KIRREL3: variants seen among roughly 807,000 people sequenced by gnomAD.
KIRREL3 encodes kirre like nephrin family adhesion molecule 3, also known as kin of IRRE-like protein 3.
KIRREL3 carries 36 observed loss-of-function variants against 89.7 expected under a neutral mutation model. That is an observed-to-expected ratio of 0.40 (90% CI 0.31 to 0.53). The LOEUF is 0.53. Among genes scored for constraint, KIRREL3 ranks in the 20% least tolerant of loss-of-function variants. The probability of loss-of-function intolerance (pLI) is 0.49; values close to 1 mark genes in which losing one functional copy is unlikely to be tolerated. For synonymous variants in KIRREL3, 445 were observed against 441.4 expected (o/e 1.01, Z -0.10); for missense variants, 864 against 1,056.6 (o/e 0.82, Z 2.53).
intron 1 of KIRREL3, among the ~76,000 whole-genome samples, chr11:126,862,365 G>A (rs1406012872): frequency 1.3e-5 from 2 of 152,160 alleles, no homozygotes; most frequent in African/African-American, 4.8e-5. Flanking sequence ...AAATTGTAAC[G>A]AGTAATTATC....
In KIRREL3 at chr11:126,689,324, G is replaced by A. The variant is rs1160378401; in HGVS notation, c.56-126412C>T. Among the ~76,000 whole-genome samples the A allele has an allele frequency of 6.6e-6, 1 of 152,182 alleles. No individual in the cohort carries two copies. Among genetic ancestry groups the A allele is most frequent in the Non-Finnish European group, 1.5e-5 (1 of 68,040 alleles). Reference sequence around the variant, plus strand: ...CGACTTGGAAGAATGAGACACCTTGGAAGATGAGGCTGACCAGGCCATGGA... The same window carrying A: ...CGACTTGGAAGAATGAGACACCTTGAAAGATGAGGCTGACCAGGCCATGGA... On this transcript the variant is annotated intron_variant, in intron 1 of 16. Transcript: ENST00000525144. The surrounding 1 kb of genome is among the most constrained non-coding windows in gnomAD (Gnocchi z 5.2).
rs1946475507 is a variant in KIRREL3 at position 126,904,018 on chromosome 11, G to C, written c.55+96437C>G. 6.6e-6 allele frequency among the ~76,000 whole-genome samples: 1 copy of C among 152,092 alleles called. No homozygotes were observed. The highest frequency in any genetic ancestry group is 2.4e-5 in the African/African-American group (1 of 41,406). On this transcript the variant is annotated intron_variant, in intron 1 of 16. Coordinates refer to ENST00000525144, the MANE Select transcript of KIRREL3 (RefSeq NM_032531.4). The surrounding 1 kb of genome is among the most constrained non-coding windows in gnomAD (Gnocchi z 4.4). ...TGGTAGATAGCACATCTCAACTCTG[G>C]CCTGGAGGTAATTCTCAAGCAGGGA...
Position 126,950,718 on chromosome 11 carries a change from G to C in KIRREL3, c.55+49737C>G, listed in dbSNP as rs142151213. On this transcript the variant is annotated intron_variant, in intron 1 of 16. Coordinates refer to ENST00000525144, the MANE Select transcript of KIRREL3 (RefSeq NM_032531.4). ...TGTACATCACACAGATGAAGGAGGA[G>C]GTGGAGAGCCACCTGTCTGCACTCC... Among the ~76,000 whole-genome samples, 86 of 152,318 alleles carry C rather than the reference G, an allele frequency of 5.6e-4. 1 individual carries two copies. In the East Asian group the frequency reaches 0.015, roughly 26 times the overall value.
chr11:126,968,612 T>A (rs1394228283), intron 1 of KIRREL3, among the ~76,000 whole-genome samples: 1 of 152,194 alleles, frequency 6.6e-6, no homozygotes, highest in Non-Finnish European at 1.5e-5. Flanking sequence ...GAGAAACTAT[T>A]CAAATTGCTC....
rs928327479 is a variant in KIRREL3 at position 126,666,971 on chromosome 11, G to A, written c.56-104059C>T. On this transcript the variant is annotated intron_variant, in intron 1 of 16. Coordinates refer to ENST00000525144, the MANE Select transcript of KIRREL3 (RefSeq NM_032531.4). This position sits in a 1 kb window ranked among gnomAD's most constrained non-coding sequence, Gnocchi z 4.2. The stretch of plus-strand genomic sequence containing the variant: ...ATTCAGATCCCTGATGTGGAGCCAA[G>A]GAAAGGCTTGAGTGACTAGGGGTCT... Among the ~76,000 whole-genome samples the A allele has an allele frequency of 6.6e-6, 1 of 152,192 alleles. No individual in the cohort carries two copies.
chr11:126,434,171 A>G (rs1305732585), intron 13 of KIRREL3, among the ~76,000 whole-genome samples: 9 of 152,358 alleles, frequency 5.9e-5, no homozygotes, highest in African/African-American at 1.9e-4. Flanking sequence ...CTCTCTGCAC[A>G]GAGCCTTCCC....
chr11:126,960,077 T>TTGAA lies in KIRREL3; in HGVS notation c.55+40374_55+40377dup, dbSNP rs371638302. On this transcript the variant is annotated intron_variant, in intron 1 of 16. Coordinates refer to ENST00000525144, the MANE Select transcript of KIRREL3 (RefSeq NM_032531.4). ...ACATGACTGACATCTGAATGAATGA[T>TTGAA]TGAATGAATGAATGACTTCCCTTGG... is the stretch of plus-strand genomic sequence containing the variant. 1.3e-3 allele frequency among the ~76,000 whole-genome samples: 200 copies of TTGAA among 152,172 alleles called. 2 individuals are homozygous for TTGAA. The highest frequency in any genetic ancestry group is 4.5e-3 in the African/African-American group (185 of 41,504).
chr11:126,631,392 C>T (rs755730649), intron 1 of KIRREL3, among the ~76,000 whole-genome samples: 3 of 152,156 alleles, frequency 2.0e-5, no homozygotes, highest in Non-Finnish European at 4.4e-5. Flanking sequence ...TTCTCAAACC[C>T]CAGCACAAGG....
intron 4 of KIRREL3, among the ~76,000 whole-genome samples, chr11:126,482,334 G>A (rs751755470): frequency 6.6e-6 from 1 of 152,234 alleles, no homozygotes; most frequent in African/African-American, 2.4e-5. Context: ...CCACCGTGCC[G>A]GGCCTGCCCC....
chr11:126,464,345 C>CA (rs59100386), intron 5 of KIRREL3, among the ~76,000 whole-genome samples: 40,577 of 94,634 alleles, frequency 0.43, 8,239 homozygotes, highest in African/African-American at 0.5. Context: ...CTGTCACTAC[C>CA]AAAAAAAAAA....
chr11:126,575,780 C>T lies in KIRREL3; in HGVS notation c.56-12868G>A, dbSNP rs1941224613. The stretch of plus-strand genomic sequence containing the variant: ...TTCCTTCTATCAGGGATTCTCACAC[C>T]CCTCTCAAGCATCACATTTCATTCA... On this transcript the variant is annotated intron_variant, in intron 1 of 16. Coordinates refer to ENST00000525144, the MANE Select transcript of KIRREL3 (RefSeq NM_032531.4). This position sits in a 1 kb window ranked among gnomAD's most constrained non-coding sequence, Gnocchi z 7.0. 6.6e-6 allele frequency among the ~76,000 whole-genome samples: 1 copy of T among 152,116 alleles called. No homozygotes were observed. The highest frequency in any genetic ancestry group is 2.4e-5 in the African/African-American group (1 of 41,406).
chr11:126,434,915 G>A (rs1955259993), intron 13 of KIRREL3, among the ~76,000 whole-genome samples: 1 of 152,148 alleles, frequency 6.6e-6, no homozygotes, highest in Non-Finnish European at 1.5e-5. Flanking sequence ...GAGCCTGGAA[G>A]CAGAAGGCAG....
intron 1 of KIRREL3, among the ~76,000 whole-genome samples, chr11:126,853,330 G>A (rs1592226166): frequency 1.3e-5 from 2 of 152,100 alleles, no homozygotes; most frequent in South Asian, 4.1e-4. Flanking sequence ...GAATTTTATC[G>A]ATTCTATGAA....
Position 126,652,680 on chromosome 11 carries a change from A to T in KIRREL3, c.56-89768T>A, listed in dbSNP as rs1178195098. ...TTCTGTAATCCCCACAGTCTCCCAAACATCAATGCTGTCATTACAACCCCA... is the reference window on the plus strand; with the variant it reads ...TTCTGTAATCCCCACAGTCTCCCAATCATCAATGCTGTCATTACAACCCCA... On this transcript the variant is annotated intron_variant, in intron 1 of 16. Transcript: ENST00000525144. The surrounding 1 kb of genome is among the most constrained non-coding windows in gnomAD (Gnocchi z 4.9). Among the ~76,000 whole-genome samples, 2 of 152,040 alleles carry T rather than the reference A, an allele frequency of 1.3e-5. No homozygotes were observed. Among genetic ancestry groups the T allele is most frequent in the Admixed American group, 6.6e-5 (1 of 15,260 alleles).
At position 126,472,420 on chromosome 11, in the gene KIRREL3, A is replaced by G. The variant is rs767512941; in HGVS notation, c.591+889T>C. On this transcript the variant is annotated intron_variant, in intron 5 of 16. Transcript: ENST00000525144. ...TTCTCACTGTGTCCTCACAATGTGGAAGGGACAAGGGGTCTCCCTCAGGCC... is the reference window on the plus strand; with the variant it reads ...TTCTCACTGTGTCCTCACAATGTGGGAGGGACAAGGGGTCTCCCTCAGGCC... Among the ~76,000 whole-genome samples, 109 of 152,256 alleles carry G rather than the reference A, an allele frequency of 7.2e-4. 1 individual carries two copies. Among genetic ancestry groups the G allele is most frequent in the Non-Finnish European group, 4.7e-4 (32 of 68,008 alleles).
intron 1 of KIRREL3, among the ~76,000 whole-genome samples, chr11:126,673,859 G>C (rs184286691): frequency 6.6e-6 from 1 of 152,218 alleles, no homozygotes; most frequent in Non-Finnish European, 1.5e-5. Flanking sequence ...GGGTTTTTGC[G>C]TGAGTTAAAC....
rs1944682823 is a variant in KIRREL3 at position 126,860,917 on chromosome 11, C to T, written c.55+139538G>A. On this transcript the variant is annotated intron_variant, in intron 1 of 16. Coordinates refer to ENST00000525144, the MANE Select transcript of KIRREL3 (RefSeq NM_032531.4). This position sits in a 1 kb window ranked among gnomAD's most constrained non-coding sequence, Gnocchi z 4.6. ...TCCTTTGTACCACTCTTGGTACGTG[C>T]CACCTCCTATACAAAGCCTCTCCTG... Among the ~76,000 whole-genome samples, 1 of 152,122 alleles carries T rather than the reference C, an allele frequency of 6.6e-6. No homozygotes were observed. Among genetic ancestry groups the T allele is most frequent in the Non-Finnish European group, 1.5e-5 (1 of 67,996 alleles).
chr11:126,828,375 TG>T (rs1943488630), intron 1 of KIRREL3, among the ~76,000 whole-genome samples: 1 of 152,152 alleles, frequency 6.6e-6, no homozygotes, highest in African/African-American at 2.4e-5. Flanking sequence ...TGGCCTCATC[TG>T]GGGTGACTTT....
intron 1 of KIRREL3, among the ~76,000 whole-genome samples, chr11:126,809,636 T>G (rs186765352): frequency 6.6e-6 from 1 of 152,362 alleles, no homozygotes; most frequent in East Asian, 1.9e-4. Flanking sequence ...CGCTGTATGC[T>G]AACTGGAGAG....
Sources: allele counts gnomAD v4.1 joint callset (sites outside exome capture counted in the v4.1 genomes callset), GRCh38; gene constraint gnomAD v4.1.1; non-coding constraint Gnocchi (gnomAD v3.1); transcripts MANE v1.5; gene names NCBI Gene and HGNC (gene_info 2026-07-23, HGNC 2026-07-21).